MTM1: variants seen among roughly 807,000 people sequenced by gnomAD.
The protein encoded by MTM1 is myotubularin 1.
In MTM1, 9 loss-of-function variants were observed where a neutral mutation model predicts 52.1. The observed-to-expected ratio is 0.17, with a 90% CI of 0.10 to 0.30. MTM1 has a LOEUF of 0.30. Among genes scored for constraint, MTM1 ranks in the 10% least tolerant of loss-of-function variants. The pLI is 1.00. For synonymous variants in MTM1, 136 were observed against 163.8 expected, an observed-to-expected ratio of 0.83 and a Z score of 1.29; for missense variants, 277 against 470.7, an observed-to-expected ratio of 0.59 and a Z score of 3.81.
rs1296690296 is a variant in MTM1, at chrX:150,652,656, TATACACACACAC to T, written c.1053+2757_1053+2768del. 7.4e-3 allele frequency among the ~76,000 whole-genome samples: 326 copies of T among 44,141 alleles called. 3 individuals are homozygous for T. Among genetic ancestry groups the T allele is most frequent in the African/African-American group, 0.026 (314 of 12,038 alleles). The allele number at this position is 44,141 out of a possible 115,157, so 38.3% of individuals were successfully genotyped here. A position where few individuals can be genotyped will look rare whatever the true frequency, so the allele number is the denominator to read the frequency against. Reference sequence around the variant, plus strand: ...ATATACGTGTGTGTGTGTATATATATATACACACACACACACACACACACACACACACACACA... The same window carrying T: ...ATATACGTGTGTGTGTGTATATATATACACACACACACACACACACACACA... On this transcript the variant is annotated intron_variant, in intron 10 of 14. Transcript: ENST00000370396.
At chrX:150,597,997 G>A (rs1272762636) in intron 3 of MTM1, among the ~76,000 whole-genome samples, 5 of 111,200 alleles carry the variant, frequency 4.5e-5, no homozygotes, top group African/African-American at 1.3e-4. Context: ...TGAGGTGGGA[G>A]GATTGCTTGA....
intron 1 of MTM1, among the ~76,000 whole-genome samples, chrX:150,580,375 G>A (rs188664625): frequency 8.9e-5 from 10 of 111,768 alleles, no homozygotes; most frequent in Admixed American, 5.7e-4. Flanking sequence ...GGAATTCTTT[G>A]TGGAGCAGCA....
At chrX:150,650,013 G>A in intron 10 of MTM1, 112 bp downstream of exon 10, 2 of 645,295 alleles carry the variant, frequency 3.1e-6, no homozygotes, top group South Asian at 6.1e-5. Context: ...GATAAACTTT[G>A]TAGTAGAGGA....
At chrX:150,592,783 C>A in intron 2 of MTM1, 106 bp downstream of exon 2, 1 of 529,094 alleles carries the variant, frequency 1.9e-6, no homozygotes, top group Non-Finnish European at 3.3e-6. Context: ...TTTTATTATT[C>A]ATTCACATAT....
chrX:150,585,474 T>G (rs1557412213), intron 1 of MTM1, among the ~76,000 whole-genome samples: 2 of 112,639 alleles, frequency 1.8e-5, no homozygotes, highest in African/African-American at 6.5e-5. Flanking sequence ...TATAACTATT[T>G]ATACGTTTCT....
At chrX:150,652,658 T>TACACACAC (rs377592464) in intron 10 of MTM1, among the ~76,000 whole-genome samples, 38 of 82,461 alleles carry the variant, frequency 4.6e-4, no homozygotes, top group African/African-American at 1.2e-3. Context: ...TATATATATA[T>TACACACAC]ACACACACAC....
chrX:150,655,482 A>G (rs2040097730), intron 10 of MTM1, among the ~76,000 whole-genome samples: 1 of 112,163 alleles, frequency 8.9e-6, no homozygotes, highest in Non-Finnish European at 1.9e-5. Flanking sequence ...CAAATGCTAG[A>G]AACAACCAAA....
chrX:150,626,125 C>T (rs1557413400), intron 6 of MTM1, among the ~76,000 whole-genome samples: 2 of 112,198 alleles, frequency 1.8e-5, no homozygotes, highest in Admixed American at 9.4e-5. Context: ...CAAGCCCTGC[C>T]GTGTGGCTTA....
chrX:150,644,125 T>C (rs1364894413), intron 8 of MTM1, among the ~76,000 whole-genome samples: 1 of 111,436 alleles, frequency 9.0e-6, no homozygotes, highest in Non-Finnish European at 1.9e-5. Flanking sequence ...TTATTTTTAA[T>C]AATTTCTCAA....
chrX:150,563,305 CTTTTTTTTTTT>C, the MTM1 span, among the ~76,000 whole-genome samples: 3 of 34,503 alleles, frequency 8.7e-5, no homozygotes, highest in Non-Finnish European at 1.5e-4. Flanking sequence ...TAAATCTCAG[CTTTTTTTTTTT>C]TTTTTTTTTT....
chrX:150,604,357 T>C (rs1314500104), intron 4 of MTM1, among the ~76,000 whole-genome samples: 1 of 111,583 alleles, frequency 9.0e-6, no homozygotes, highest in African/African-American at 3.3e-5. Context: ...AGCTGACAGA[T>C]AGGCAAAGCA....
intron 14 of MTM1, among the ~76,000 whole-genome samples, chrX:150,667,912 C>T (rs1275818874): frequency 2.7e-5 from 3 of 112,287 alleles, no homozygotes; most frequent in Non-Finnish European, 5.6e-5. Flanking sequence ...CGACCCACAG[C>T]CTGTGAATGT....
intron 1 of MTM1, among the ~76,000 whole-genome samples, chrX:150,569,589 T>C (rs987159185): frequency 1.8e-5 from 2 of 111,630 alleles, no homozygotes; most frequent in East Asian, 5.6e-4. Flanking sequence ...GGGTAACTAA[T>C]ATGTCCCGGG....
At chrX:150,599,424 C>T (rs2039033285) in intron 4 of MTM1, among the ~76,000 whole-genome samples, 1 of 111,646 alleles carries the variant, frequency 9.0e-6, no homozygotes, top group South Asian at 3.8e-4. Context: ...TTGCCCAGGT[C>T]AGCCTGAAGG....
chrX:150,631,667 CAAAAAAAAA>C (rs34042424), intron 6 of MTM1, among the ~76,000 whole-genome samples: 1 of 35,455 alleles, frequency 2.8e-5, no homozygotes, highest in African/African-American at 1.3e-4. Context: ...ACTCCATCTC[CAAAAAAAAA>C]AAAAAAAAAA....
chrX:150,593,158 G>C (rs1178479378), intron 2 of MTM1, among the ~76,000 whole-genome samples: 13 of 112,189 alleles, frequency 1.2e-4, no homozygotes, highest in Non-Finnish European at 2.3e-4. Context: ...AAAGCTTTTA[G>C]ATACAATACC....
chrX:150,571,727 G>A (rs1255556180), intron 1 of MTM1, among the ~76,000 whole-genome samples: 1 of 112,217 alleles, frequency 8.9e-6, no homozygotes, highest in Non-Finnish European at 1.9e-5. Flanking sequence ...TCCAGGCGAC[G>A]CTGGCAGCAG....
intron 8 of MTM1, among the ~76,000 whole-genome samples, chrX:150,645,200 C>G (rs782260230): frequency 2.7e-5 from 3 of 111,410 alleles, no homozygotes; most frequent in Non-Finnish European, 3.8e-5. Flanking sequence ...CAGTTTTGCT[C>G]TGCTCAGGTT....
At chrX:150,606,793 C>T (rs2039165346) in intron 4 of MTM1, among the ~76,000 whole-genome samples, 1 of 106,837 alleles carries the variant, frequency 9.4e-6, no homozygotes, top group Non-Finnish European at 1.9e-5. Context: ...TGCTCAACTT[C>T]CTTCCCTTCC....
Sources: gnomAD v4.1 joint callset for allele counts (sites outside exome capture counted in the v4.1 genomes callset) on GRCh38, gnomAD v4.1.1 for gene constraint, MANE v1.5 for transcripts, NCBI Gene and HGNC (gene_info 2026-07-23, HGNC 2026-07-21) for gene names.